The following METTL15 variants were observed in gnomAD, a reference collection of about 807,000 sequenced individuals.
METTL15 encodes the protein methyltransferase 15, mitochondrial 12S rRNA N4-cytidine.
Under a neutral mutation model 38.3 loss-of-function variants are expected in METTL15, and 34 were observed. The observed-to-expected ratio is 0.89, with a 90% confidence interval of 0.68 to 1.18. The LOEUF is 1.18. METTL15 is among the 50% of genes most tolerant of loss of function. The pLI is 0.00. For synonymous variants in METTL15, 162 were observed against 170.9 expected (o/e 0.95, Z 0.41); for missense variants, 438 against 498.4 (o/e 0.88, Z 1.15).
chr11:28,419,871 A>G (rs979932778), intron 5 of METTL15, among the ~76,000 whole-genome samples: 2 of 152,222 alleles, frequency 1.3e-5, no homozygotes, highest in African/African-American at 4.8e-5. Context: ...AATGCAATTG[A>G]CATATTGAAG....
At chr11:28,381,133 G>A (rs1850378826) in intron 5 of METTL15, among the ~76,000 whole-genome samples, 1 of 152,086 alleles carries the variant, frequency 6.6e-6, no homozygotes, top group Non-Finnish European at 1.5e-5. Flanking sequence ...CTCCCAAGTA[G>A]CTGTGACTAC....
intron 5 of METTL15, among the ~76,000 whole-genome samples, chr11:28,376,731 G>T (rs1321312809): frequency 6.6e-6 from 1 of 151,214 alleles, no homozygotes; most frequent in Non-Finnish European, 1.5e-5. Flanking sequence ...TTGCTCGTTA[G>T]TTGATGCAGT....
At chr11:28,206,288 G>C (rs1394088553) in intron 3 of METTL15, among the ~76,000 whole-genome samples, 1 of 151,910 alleles carries the variant, frequency 6.6e-6, no homozygotes, top group Non-Finnish European at 1.5e-5. Flanking sequence ...TTTTGTATAA[G>C]ATGTAAGGAA....
chr11:28,277,015 C>T (rs1023921193), intron 4 of METTL15, among the ~76,000 whole-genome samples: 5 of 152,080 alleles, frequency 3.3e-5, no homozygotes, highest in Non-Finnish European at 5.9e-5. Flanking sequence ...TAACAAACAC[C>T]TCAAAAGTAC....
chr11:28,364,071 T>C (rs1298199774), intron 5 of METTL15, among the ~76,000 whole-genome samples: 1 of 152,214 alleles, frequency 6.6e-6, no homozygotes, highest in Non-Finnish European at 1.5e-5. Flanking sequence ...CCATGCTGTT[T>C]TGATTACTGT....
intron 6 of METTL15, among the ~76,000 whole-genome samples, chr11:28,455,338 ATG>A (rs1851158931): frequency 7.0e-6 from 1 of 143,196 alleles, no homozygotes; most frequent in Non-Finnish European, 1.5e-5. Context: ...TAAATGTTTT[ATG>A]CCCTTCATGT....
intron 3 of METTL15, among the ~76,000 whole-genome samples, chr11:28,208,061 C>G (rs926381640): frequency 2.0e-5 from 3 of 152,092 alleles, no homozygotes; most frequent in Non-Finnish European, 2.9e-5. Flanking sequence ...AAAAAACCAG[C>G]TCCTGGATTC....
intron 5 of METTL15, among the ~76,000 whole-genome samples, chr11:28,370,452 TC>T (rs1850231684): frequency 6.6e-6 from 1 of 152,044 alleles, no homozygotes; most frequent in Non-Finnish European, 1.5e-5. Context: ...ACTTTATTCT[TC>T]CATTAATGGA....
chr11:28,345,729 C>A (rs781055258), intron 3 of METTL15, among the ~76,000 whole-genome samples: 2 of 152,014 alleles, frequency 1.3e-5, no homozygotes, highest in African/African-American at 2.4e-5. Flanking sequence ...AATAAAATGA[C>A]CAAAACAGAC....
At chr11:28,370,864 T>G (rs1198451660) in intron 5 of METTL15, among the ~76,000 whole-genome samples, 1 of 152,120 alleles carries the variant, frequency 6.6e-6, no homozygotes, top group African/African-American at 2.4e-5. Flanking sequence ...GAAAAATGTC[T>G]ATTGAATGTC....
At chr11:28,237,265 A>C (rs1335981181) in intron 4 of METTL15, among the ~76,000 whole-genome samples, 1 of 151,646 alleles carries the variant, frequency 6.6e-6, no homozygotes, top group Non-Finnish European at 1.5e-5. Context: ...TGGTCTTTTC[A>C]CATAGTCCCA....
In METTL15 at chr11:28,376,974, G is replaced by A. The variant is rs1267521648; in HGVS notation, c.*358+14938G>A. Among the ~76,000 whole-genome samples, 5 of 127,354 alleles carry A rather than the reference G, an allele frequency of 3.9e-5. No individual in the cohort carries two copies. In the East Asian group the frequency reaches 1.0e-3, roughly 27 times the overall value. The allele number at this position is 127,354 out of a possible 152,430, so 83.5% of individuals were successfully genotyped here. On this transcript the variant is annotated intron_variant and NMD_transcript_variant, in intron 5 of 7. Coordinates refer to the METTL15 transcript ENST00000532947. The stretch of plus-strand genomic sequence containing the variant: ...GTTGAAAATTCTTTTCTTTAAGAAT[G>A]TTGAATATTGGCCCCCACTCTCTTC...
At chr11:28,131,556 T>C (rs1851922047) in intron 3 of METTL15, among the ~76,000 whole-genome samples, 1 of 151,230 alleles carries the variant, frequency 6.6e-6, no homozygotes, top group Admixed American at 6.6e-5. Flanking sequence ...ATGCCTGATA[T>C]TTCTCAGGTA....
chr11:28,432,330 G>A (rs980793974), intron 6 of METTL15, among the ~76,000 whole-genome samples: 12 of 152,130 alleles, frequency 7.9e-5, no homozygotes, highest in African/African-American at 2.4e-4. Flanking sequence ...TTCTTTTTAA[G>A]GAATTAAGTA....
chr11:28,325,116 T>C (rs1229448426), intron 6 of METTL15, among the ~76,000 whole-genome samples: 2 of 152,154 alleles, frequency 1.3e-5, no homozygotes, highest in East Asian at 3.9e-4. Flanking sequence ...CTCTCTCTCT[T>C]TCTCTGGGTG....
chr11:28,140,863 G>A (rs1052890605), intron 3 of METTL15, among the ~76,000 whole-genome samples: 4 of 152,132 alleles, frequency 2.6e-5, no homozygotes, highest in Non-Finnish European at 4.4e-5. Flanking sequence ...CACTTAGTCC[G>A]CTGCGGGCAT....
At chr11:28,517,147 G>C (rs1208125243) in intron 6 of METTL15, 1 of 152,146 alleles carries the variant, frequency 6.6e-6, no homozygotes, top group East Asian at 1.9e-4. Context: ...ACAGTGTAAG[G>C]AGAAGCATGA....
intron 4 of METTL15, among the ~76,000 whole-genome samples, chr11:28,228,584 A>G (rs961483216): frequency 1.3e-5 from 2 of 151,840 alleles, no homozygotes; most frequent in African/African-American, 2.4e-5. Flanking sequence ...AATTTTATGT[A>G]TACATATATA....
intron 6 of METTL15, among the ~76,000 whole-genome samples, chr11:28,326,349 TG>T (rs2134056170): frequency 6.6e-6 from 1 of 152,238 alleles, no homozygotes; most frequent in South Asian, 2.1e-4. Flanking sequence ...ACCTAGTTTG[TG>T]CATTCCTAAG....
Sources: gnomAD v4.1 joint callset for allele counts (sites outside exome capture counted in the v4.1 genomes callset) on GRCh38, gnomAD v4.1.1 for gene constraint, MANE v1.5 for transcripts, NCBI Gene and HGNC (gene_info 2026-07-23, HGNC 2026-07-21) for gene names.